Variants in SH3GLB1 observed in about 807,000 individuals in gnomAD.
The protein encoded by SH3GLB1 is SH3 domain containing GRB2 like, endophilin B1.
SH3GLB1 carries 17 observed loss-of-function variants against 42.0 expected under a neutral mutation model. The ratio of observed to expected loss-of-function variants is 0.40; its 90% CI spans 0.28 to 0.61. The LOEUF is 0.61. SH3GLB1 is among the 20% of genes least tolerant of loss of function. The pLI, the probability that SH3GLB1 is intolerant of heterozygous loss-of-function variation, is 0.36. For missense variants in SH3GLB1, 355 were observed against 426.3 expected (o/e 0.83, Z 1.47); for synonymous variants, 132 against 146.6 (o/e 0.90, Z 0.72).
chr1:86,712,857 T>C (rs1654291722), intron 1 of SH3GLB1, among the ~76,000 whole-genome samples: 1 of 152,150 alleles, frequency 6.6e-6, no homozygotes, highest in Admixed American at 6.5e-5. Context: ...AATAAATCAC[T>C]TGGTGCAAAT....
intron 5 of SH3GLB1, among the ~76,000 whole-genome samples, chr1:86,724,888 A>T (rs368797199): frequency 0.021 from 2,113 of 98,578 alleles, 105 homozygotes; most frequent in African/African-American, 0.082. Flanking sequence ...AAAAAAAAAA[A>T]AAAAATATAT....
Position 86,704,923 on chromosome 1 carries a change from G to T in SH3GLB1, c.24G>T (p.Val8=), listed in dbSNP as rs150324653. The T allele has an allele frequency of 2.1e-4, 338 of 1,585,524 alleles. 1 individual carries two copies. Among genetic ancestry groups the T allele is most frequent in the Non-Finnish European group, 2.8e-4 (332 of 1,168,368 alleles). Residue 8 remains valine, a synonymous_variant, in exon 1 of 9, where the codon GTG becomes GTT. Coordinates refer to ENST00000370558, the MANE Select transcript of SH3GLB1 (RefSeq NM_016009.5). MNIMDFN[V]KKLAADAGTF... is the part of the protein sequence containing the mutation. ...GGATGAATATCATGGACTTCAACGTGAAGAAGCTGGCGGCCGACGCAGGCA... is the reference window on the plus strand; with the variant it reads ...GGATGAATATCATGGACTTCAACGTTAAGAAGCTGGCGGCCGACGCAGGCA...
chr1:86,724,439 C>T, intron 5 of SH3GLB1, 34 bp downstream of exon 5: 1 of 1,437,252 alleles, frequency 7.0e-7, no homozygotes, highest in South Asian at 1.3e-5. Flanking sequence ...TGATTAATAA[C>T]TTTAAGATTT....
At position 86,742,383 on chromosome 1, in the gene SH3GLB1, C is replaced by G; in HGVS notation, c.937C>G (p.Leu313Val). The G allele has an allele frequency of 1.2e-6, 2 of 1,614,076 alleles. No individual in the cohort carries two copies. Among genetic ancestry groups the G allele is most frequent in the African/African-American group, 2.7e-5 (2 of 74,996 alleles). Residue 313 changes from leucine (L) to valine (V), a missense_variant, in exon 8 of 9, where the codon CTC (leucine) becomes GTC (valine). By Grantham distance (32) the Leu-to-Val change is conservative (BLOSUM62 1). Coordinates refer to ENST00000370558, the MANE Select transcript of SH3GLB1 (RefSeq NM_016009.5). ...TAGTGGCAGCAGAAAGGCCAGGGTT[C>G]TCTATGATTATGATGCAGCAAACAG... ...ECSGSRKARV[L>V]YDYDAANSTE... is the part of the protein sequence containing the mutation.
intron 3 of SH3GLB1, among the ~76,000 whole-genome samples, chr1:86,720,786 A>G (rs1276524708): frequency 6.6e-6 from 1 of 152,260 alleles, no homozygotes; most frequent in Non-Finnish European, 1.5e-5. Context: ...TCAGAAAGAA[A>G]TAACCTAAAT....
Position 86,713,797 on chromosome 1 carries a change from C to T in SH3GLB1, c.73-1927C>T, listed in dbSNP as rs1211186931. On this transcript the variant is annotated intron_variant, in intron 1 of 8. Coordinates refer to ENST00000370558, the MANE Select transcript of SH3GLB1 (RefSeq NM_016009.5). ...CTTGGATTTGTATGTCACTCAGAAACAAACCAACCATGTTGGTCCGCTTTA... is the reference window on the plus strand; with the variant it reads ...CTTGGATTTGTATGTCACTCAGAAATAAACCAACCATGTTGGTCCGCTTTA... 2.6e-5 allele frequency among the ~76,000 whole-genome samples: 4 copies of T among 152,316 alleles called. No homozygotes were observed. In the East Asian group the frequency reaches 7.7e-4, roughly 29 times the overall value.
chr1:86,726,597 A>G (rs926251292), intron 5 of SH3GLB1, among the ~76,000 whole-genome samples: 1 of 152,064 alleles, frequency 6.6e-6, no homozygotes, highest in Non-Finnish European at 1.5e-5. Flanking sequence ...TACGTATTAC[A>G]TACAGCAAAA....
chr1:86,719,751 T>C, intron 3 of SH3GLB1, 116 bp downstream of exon 3: 2 of 1,043,294 alleles, frequency 1.9e-6, no homozygotes, highest in Non-Finnish European at 2.7e-6. Flanking sequence ...ATCCCAGCAC[T>C]TTGGGTGGTT....
intron 4 of SH3GLB1, among the ~76,000 whole-genome samples, chr1:86,723,706 A>G (rs1204059192): frequency 6.6e-6 from 1 of 152,196 alleles, no homozygotes; most frequent in Non-Finnish European, 1.5e-5. Flanking sequence ...TTGAAATTCC[A>G]TTTTGGAGTG....
At chr1:86,718,615 A>G (rs556291887) in intron 2 of SH3GLB1, among the ~76,000 whole-genome samples, 1 of 152,160 alleles carries the variant, frequency 6.6e-6, no homozygotes, top group African/African-American at 2.4e-5. Context: ...ATGCGTAGGA[A>G]TCTATGTGAG....
chr1:86,721,280 T>C (rs1654843635), intron 3 of SH3GLB1, among the ~76,000 whole-genome samples: 1 of 152,192 alleles, frequency 6.6e-6, no homozygotes, highest in African/African-American at 2.4e-5. Context: ...TATTTACATA[T>C]TAATTCTCAT....
chr1:86,734,510 G>T, intron 5 of SH3GLB1, 92 bp from the exon 6 acceptor site: 1 of 891,656 alleles, frequency 1.1e-6, no homozygotes, highest in Non-Finnish European at 1.7e-6. Context: ...CTTGAGGTTT[G>T]TTCGGGGGAT....
At chr1:86,718,164 C>T (rs1342622197) in intron 2 of SH3GLB1, among the ~76,000 whole-genome samples, 2 of 151,866 alleles carry the variant, frequency 1.3e-5, no homozygotes, top group South Asian at 2.1e-4. Flanking sequence ...CTCAGCTTCC[C>T]GAGTAGTTGG....
At chr1:86,735,221 T>G (rs995228390) in intron 7 of SH3GLB1, 42 bp downstream of exon 7, 2 of 1,362,410 alleles carry the variant, frequency 1.5e-6, no homozygotes, top group Non-Finnish European at 2.1e-6. Flanking sequence ...GAAATTCAGA[T>G]TTTTGCTTAT....
chr1:86,707,611 TATATC>T (rs1038526840), intron 1 of SH3GLB1, among the ~76,000 whole-genome samples: 5 of 152,060 alleles, frequency 3.3e-5, no homozygotes, highest in African/African-American at 4.8e-5. Flanking sequence ...TGGATAAACT[TATATC>T]ATATCTGAGA....
chr1:86,720,012 A>AAC (rs1290912497), intron 3 of SH3GLB1, among the ~76,000 whole-genome samples: 1 of 151,708 alleles, frequency 6.6e-6, no homozygotes, highest in Non-Finnish European at 1.5e-5. Flanking sequence ...AAAAAAAAAA[A>AAC]AAAAACATAG....
intron 1 of SH3GLB1, among the ~76,000 whole-genome samples, chr1:86,711,550 C>T (rs1167019133): frequency 6.6e-6 from 1 of 151,978 alleles, no homozygotes; most frequent in Non-Finnish European, 1.5e-5. Context: ...GTTGTTTACA[C>T]AAAAGTTCTT....
chr1:86,704,964 C>A lies in SH3GLB1; in HGVS notation c.65C>A (p.Ala22Asp). 1 of 1,579,592 alleles carries A rather than the reference C, an allele frequency of 6.3e-7. No homozygotes were observed. The highest frequency in any genetic ancestry group is 8.6e-7 in the Non-Finnish European group (1 of 1,165,102). ...AADAGTFLSR[A>D]VQFTEEKLGQ... ...GACGCAGGCACCTTCCTCAGTCGCG[C>A]CGTGCAGGTACCCTGGTGCTGGGGG... Residue 22 changes from alanine to aspartate, a missense_variant, in exon 1 of 9, where the codon GCC (alanine) becomes GAC (aspartate). By Grantham distance (126) the Ala-to-Asp change is moderately radical. Transcript: ENST00000370558.
chr1:86,724,892 A>AATATATATATATATATATATATAT (rs58927851), intron 5 of SH3GLB1, among the ~76,000 whole-genome samples: 39 of 99,580 alleles, frequency 3.9e-4, no homozygotes, highest in African/African-American at 6.0e-4. Flanking sequence ...AAAAAAAAAA[A>AATATATATATATATATATATATAT]ATATATATAT....
Sources: gnomAD v4.1 joint callset for allele counts (sites outside exome capture counted in the v4.1 genomes callset) on GRCh38, gnomAD v4.1.1 for gene constraint, MANE v1.5 for transcripts, NCBI Gene and HGNC (gene_info 2026-07-23, HGNC 2026-07-21) for gene names.